Variants in RUFY2 observed in about 807,000 individuals in gnomAD.
RUFY2 encodes RUN and FYVE domain containing 2.
RUFY2 carries 49 observed loss-of-function variants against 94.4 expected under a neutral mutation model. The observed-to-expected ratio is 0.52, with a 90% CI of 0.41 to 0.66. The LOEUF is 0.66. Ranked by LOEUF, RUFY2 falls within the 30% of genes least tolerant of loss-of-function variation. The pLI is 0.00. For missense variants in RUFY2, 541 were observed against 692.8 expected (o/e 0.78, Z 2.46); for synonymous variants, 255 against 235.7 (o/e 1.08, Z -0.75).
chr10:68,347,813 C>G (rs2046389351), intron 16 of RUFY2, among the ~76,000 whole-genome samples: 1 of 152,142 alleles, frequency 6.6e-6, no homozygotes, highest in Non-Finnish European at 1.5e-5. Flanking sequence ...CAACTGCAAC[C>G]TATCAATTAC....
rs925614667 is a variant in RUFY2, at chr10:68,393,880, A to G, written c.584+195T>C. On this transcript the variant is annotated intron_variant, in intron 6 of 17. Coordinates refer to ENST00000602465, the MANE Select transcript of RUFY2 (RefSeq NM_001330103.2). Reference sequence around the variant, plus strand: ...CCAAAGGTCCCACTTCATACTATTAATAAAACCTCCTTCTCCTAAGTGATT... The same window carrying G: ...CCAAAGGTCCCACTTCATACTATTAGTAAAACCTCCTTCTCCTAAGTGATT... The G allele has an allele frequency of 1.2e-5, 15 of 1,257,854 alleles. No homozygotes were observed. In the Middle Eastern group the frequency reaches 2.5e-3, roughly 210 times the overall value. 77.9% of individuals were successfully genotyped at this position (1,257,854 alleles called of 1,614,324 possible). A position where few individuals can be genotyped will look rare whatever the true frequency, so the allele number is the denominator to read the frequency against.
intron 11 of RUFY2, 25 bp downstream of exon 11, chr10:68,381,207 A>C: frequency 1.9e-6 from 3 of 1,541,394 alleles, no homozygotes; most frequent in Non-Finnish European, 8.8e-7. Flanking sequence ...ATTTACATAA[A>C]ATGAAATTTA....
chr10:68,357,332 G>A (rs867473024), intron 15 of RUFY2, among the ~76,000 whole-genome samples: 3 of 151,072 alleles, frequency 2.0e-5, no homozygotes, highest in Admixed American at 6.6e-5. Flanking sequence ...AGGTTCAAGC[G>A]ATTCTCCTGC....
rs546403571 is a variant in RUFY2, at chr10:68,353,168, T to TA, written c.1599+2184dup. The stretch of plus-strand genomic sequence containing the variant: ...GCCAACATGGCGAAACCATCTCTAC[T>TA]AAAACTATAAAAATTACCCGGGTGT... On this transcript the variant is annotated intron_variant, in intron 16 of 17. Coordinates refer to ENST00000602465, the MANE Select transcript of RUFY2 (RefSeq NM_001330103.2). Among the ~76,000 whole-genome samples, 1,062 of 151,166 alleles carry TA rather than the reference T, an allele frequency of 7.0e-3. 15 individuals carry two copies. The highest frequency in any genetic ancestry group is 0.011 in the Non-Finnish European group (748 of 67,802).
chr10:68,341,563 ACT>A (rs755886607), downstream of RUFY2: 9 of 1,479,266 alleles, frequency 6.1e-6, no homozygotes, highest in South Asian at 2.4e-5. Context: ...CTCCCCTGTT[ACT>A]CTTTCTTTTT....
intron 13 of RUFY2, among the ~76,000 whole-genome samples, chr10:68,373,174 G>T (rs1402872318): frequency 6.6e-6 from 1 of 152,120 alleles, no homozygotes; most frequent in Non-Finnish European, 1.5e-5. Flanking sequence ...GTGGTAAAAT[G>T]TTAATGCCAA....
intron 15 of RUFY2, among the ~76,000 whole-genome samples, chr10:68,360,754 C>T (rs551155486): frequency 2.7e-5 from 4 of 150,710 alleles, no homozygotes; most frequent in South Asian, 4.3e-4. Flanking sequence ...TCTCAAAAAA[C>T]GATAATAATA....
chr10:68,406,860 C>T (rs1034139797), intron 1 of RUFY2: 1 of 1,609,870 alleles, frequency 6.2e-7, no homozygotes. Context: ...CCTGAAAAGT[C>T]ATCGCCCCTC....
intron 2 of RUFY2, among the ~76,000 whole-genome samples, chr10:68,402,839 C>CTTTTT (rs68013041): frequency 9.1e-5 from 10 of 109,866 alleles, no homozygotes; most frequent in African/African-American, 1.2e-4. Context: ...CAAGCCATAT[C>CTTTTT]TTTTTTTTTT....
chr10:68,402,254 C>T (rs551442014), intron 2 of RUFY2, among the ~76,000 whole-genome samples: 218 of 152,140 alleles, frequency 1.4e-3, no homozygotes, highest in Non-Finnish European at 2.7e-3. Flanking sequence ...TGAACCACCA[C>T]GCCCAGCCTA....
At chr10:68,393,553 C>A in intron 6 of RUFY2, among the ~76,000 whole-genome samples, 1 of 152,108 alleles carries the variant, frequency 6.6e-6, no homozygotes, top group East Asian at 1.9e-4. Context: ...CGTGGTGAAA[C>A]CCTGTCTCTA....
chr10:68,346,854 G>A (rs1162902466), intron 16 of RUFY2: 2 of 152,264 alleles, frequency 1.3e-5, no homozygotes, highest in East Asian at 3.9e-4. Flanking sequence ...GGAAATTGGG[G>A]AAATCAGATA....
At chr10:68,398,709 A>T (rs1274009219) in intron 3 of RUFY2, among the ~76,000 whole-genome samples, 2 of 150,934 alleles carry the variant, frequency 1.3e-5, no homozygotes, top group Admixed American at 6.6e-5. Flanking sequence ...TTTTTTTTTT[A>T]AAGAGAGTGG....
Position 68,373,725 on chromosome 10 carries a change from T to C in RUFY2, c.1325+3128A>G, listed in dbSNP as rs181354787. 4.6e-5 allele frequency among the ~76,000 whole-genome samples: 7 copies of C among 152,286 alleles called. No homozygotes were observed. The East Asian group carries it at 1.4e-3, about 29-fold the overall frequency. On this transcript the variant is annotated intron_variant, in intron 13 of 17. Transcript: ENST00000602465. ...AATTAGAGGCTGCAATGAGCTATAA[T>C]GGCACCACTATACTCCAACCTGGGC... is the stretch of plus-strand genomic sequence containing the variant.
At chr10:68,341,466 G>GTAAT (rs2045933494), downstream of RUFY2, 1 of 997,000 alleles carries the variant, frequency 1.0e-6, no homozygotes, top group Admixed American at 2.5e-5. Context: ...CGCTGTACTA[G>GTAAT]TAATTAATAA....
chr10:68,364,171 T>A, intron 13 of RUFY2, 58 bp from the exon 14 acceptor site: 1 of 1,505,378 alleles, frequency 6.6e-7, no homozygotes, highest in South Asian at 1.4e-5. Context: ...ACAGTTGTTA[T>A]GTATTCTTTA....
rs567102728 is a variant in RUFY2, at chr10:68,406,624, G to C, written c.4+562C>G. On this transcript the variant is annotated intron_variant, in intron 1 of 17. Transcript: ENST00000602465. Reference sequence around the variant, plus strand: ...CCAAACCCGGCCGCAGGCGCGCAAGGAGTACCAGGGCCAGTGCCCGCACCT... The same window carrying C: ...CCAAACCCGGCCGCAGGCGCGCAAGCAGTACCAGGGCCAGTGCCCGCACCT... 4 of 859,282 alleles carry C rather than the reference G, an allele frequency of 4.7e-6. No homozygotes were observed. In the African/African-American group the frequency reaches 5.3e-5, roughly 11 times the overall value. 53.2% of individuals were successfully genotyped at this position (859,282 alleles called of 1,614,324 possible). A position where few individuals can be genotyped will look rare whatever the true frequency, so the allele number is the denominator to read the frequency against.
chr10:68,383,411 G>A (rs2132834272), intron 10 of RUFY2, among the ~76,000 whole-genome samples: 1 of 152,226 alleles, frequency 6.6e-6, no homozygotes, highest in Middle Eastern at 3.4e-3. Flanking sequence ...TTGAGGCCAG[G>A]AGTTCAAGAC....
chr10:68,362,336 A>G (rs1353371598), intron 15 of RUFY2, among the ~76,000 whole-genome samples: 2 of 151,902 alleles, frequency 1.3e-5, no homozygotes, highest in African/African-American at 2.4e-5. Flanking sequence ...GTCTCAAAAC[A>G]AATAAAAATA....
Sources: gnomAD v4.1 joint callset for allele counts (sites outside exome capture counted in the v4.1 genomes callset) on GRCh38, gnomAD v4.1.1 for gene constraint, MANE v1.5 for transcripts, NCBI Gene and HGNC (gene_info 2026-07-23, HGNC 2026-07-21) for gene names.